The following HERC2 variants were observed in gnomAD, a reference collection of about 807,000 sequenced individuals.
HERC2 encodes E3 ubiquitin-protein ligase HERC2.
In HERC2, 102 loss-of-function variants were observed where a neutral mutation model predicts 537.7. The observed-to-expected ratio is 0.19, with a 90% CI of 0.16 to 0.22. The LOEUF is 0.22. Among genes scored for constraint, HERC2 ranks in the 10% least tolerant of loss-of-function variants. The pLI, the probability that HERC2 is intolerant of heterozygous loss-of-function variation, is 1.00. For synonymous variants in HERC2, 2,224 were observed against 2,466.2 expected, an observed-to-expected ratio of 0.90 and a Z score of 2.91; for missense variants, 4,236 against 6,198.2, an observed-to-expected ratio of 0.68 and a Z score of 10.63.
At chr15:28,263,541 T>C (rs948536709) in intron 14 of HERC2, among the ~76,000 whole-genome samples, 14 of 152,362 alleles carry the variant, frequency 9.2e-5, no homozygotes, top group Middle Eastern at 3.4e-3. Context: ...TTTGCCTGCC[T>C]GCTTCTGTTG....
chr15:28,290,399 T>A (rs1201660867), intron 4 of HERC2, among the ~76,000 whole-genome samples: 1 of 152,146 alleles, frequency 6.6e-6, no homozygotes, highest in Non-Finnish European at 1.5e-5. Context: ...CCAGCTAATT[T>A]TTGTATGTTT....
chr15:28,261,545 C>A (rs2075415243), intron 15 of HERC2, among the ~76,000 whole-genome samples: 1 of 152,252 alleles, frequency 6.6e-6, no homozygotes, highest in Middle Eastern at 3.4e-3. Context: ...GGGAAAAATT[C>A]TATCCTAGGA....
intron 68 of HERC2, among the ~76,000 whole-genome samples, chr15:28,166,889 AT>A (rs1472463435): frequency 6.6e-6 from 1 of 152,260 alleles, no homozygotes; most frequent in Non-Finnish European, 1.5e-5. Context: ...AAACGTCACT[AT>A]TTGACTAAAA....
rs1213746340 is a variant in HERC2 at position 28,144,201 on chromosome 15, G to A, written c.11175C>T (p.Leu3725=). Residue 3725 remains leucine (L), a synonymous_variant, in exon 73 of 93, where the codon CTC becomes CTT. Transcript: ENST00000261609. Reference sequence around the variant, plus strand: ...TCACCAAGTCCATGGATGGACAGGAGAGGACGCAGCGGTCAGAGAGGAGTT... The same window carrying A: ...TCACCAAGTCCATGGATGGACAGGAAAGGACGCAGCGGTCAGAGAGGAGTT... ...PKELLSDRCV[L]SCPSMDLVTC... is the part of the protein sequence containing the mutation. The A allele has an allele frequency of 1.9e-6, 3 of 1,614,200 alleles. No homozygotes were observed. In the African/African-American group the frequency reaches 4.0e-5, roughly 22 times the overall value.
In HERC2 at chr15:28,146,268, G is replaced by T; in HGVS notation, c.10977C>A (p.Asp3659Glu). ...GCACGGAGACGATCCTGTTGACGCC[G>T]TCCATGACTGTGAGAGGGTCGTGGC... ...ERRHDPLTVM[D>E]GVNRIVSVRS... The change falls in exon 71 of 93, where the codon GAC becomes GAA. Residue 3659 changes from aspartate (D) to glutamate (E), a missense_variant. Physicochemically the swap from Asp to Glu is conservative, Grantham distance 45. Around this residue, in one of 27 missense-constraint regions of HERC2, gnomAD observed 356 missense variants for 450.9 expected, o/e 0.79. Transcript: ENST00000261609. 1 of 1,613,900 alleles carries T rather than the reference G, an allele frequency of 6.2e-7. No individual in the cohort carries two copies. Among genetic ancestry groups the T allele is most frequent in the Non-Finnish European group, 8.5e-7 (1 of 1,179,924 alleles).
chr15:28,245,528 C>A (rs1305029839), intron 23 of HERC2, among the ~76,000 whole-genome samples: 3 of 138,882 alleles, frequency 2.2e-5, no homozygotes, highest in Admixed American at 7.8e-5. Context: ...GCCTGGGCAA[C>A]AGAGCAAGAT....
At chr15:28,141,411 A>C (rs1159842852) in intron 78 of HERC2, 21 bp downstream of exon 78, 7 of 1,610,570 alleles carry the variant, frequency 4.3e-6, no homozygotes, top group African/African-American at 1.3e-5. Flanking sequence ...TGACCTTGTG[A>C]CATAGAAAAA....
chr15:28,142,142 A>C (rs181861263), intron 76 of HERC2, 96 bp downstream of exon 76: 1 of 1,429,424 alleles, frequency 7.0e-7, no homozygotes, highest in East Asian at 2.3e-5. Context: ...TTGGCAAGCG[A>C]AATTTTTCTG....
At chr15:28,163,345 C>T in intron 68 of HERC2, 60 bp from the exon 69 acceptor site, 1 of 1,479,648 alleles carries the variant, frequency 6.8e-7, no homozygotes, top group Non-Finnish European at 9.2e-7. Context: ...GATAAAGAGT[C>T]ACCAGTTTAC....
chr15:28,258,445 C>T (rs1447704006), intron 16 of HERC2, among the ~76,000 whole-genome samples: 1 of 151,978 alleles, frequency 6.6e-6, no homozygotes, highest in Non-Finnish European at 1.5e-5. Flanking sequence ...GCACTCCGGC[C>T]TGGGCAATAA....
At chr15:28,263,555 C>A (rs747042500) in intron 14 of HERC2, among the ~76,000 whole-genome samples, 24 of 152,124 alleles carry the variant, frequency 1.6e-4, no homozygotes, top group Non-Finnish European at 2.9e-4. Flanking sequence ...TCTGTTGCCA[C>A]CATGCTGACC....
At position 28,209,500 on chromosome 15, in the gene HERC2, C is replaced by T. The variant is rs1464567386; in HGVS notation, c.7069+1502G>A. Among the ~76,000 whole-genome samples the T allele has an allele frequency of 4.6e-5, 7 of 152,008 alleles. No homozygotes were observed. In the South Asian group the frequency reaches 8.3e-4, roughly 18 times the overall value. On this transcript the variant is annotated intron_variant, in intron 44 of 92. Transcript: ENST00000261609. ...CTGGGACTACAGGCACCTGCCACCACGCCCAGCTAATTTTTTGTATTTTTA... is the reference window on the plus strand; with the variant it reads ...CTGGGACTACAGGCACCTGCCACCATGCCCAGCTAATTTTTTGTATTTTTA...
chr15:28,294,222 T>C (rs2076399060), intron 3 of HERC2, among the ~76,000 whole-genome samples: 1 of 151,764 alleles, frequency 6.6e-6, no homozygotes, highest in Admixed American at 6.6e-5. Context: ...ACCCCACAGG[T>C]TAATAACAGG....
intron 20 of HERC2, among the ~76,000 whole-genome samples, chr15:28,251,159 G>T (rs2075064347): frequency 6.6e-6 from 1 of 152,162 alleles, no homozygotes; most frequent in African/African-American, 2.4e-5. Context: ...ATTAATAAAT[G>T]TGGCCAGGTG....
At chr15:28,190,011 C>CTTTTTTT (rs72036273) in intron 55 of HERC2, among the ~76,000 whole-genome samples, 1 of 137,810 alleles carries the variant, frequency 7.3e-6, no homozygotes, top group African/African-American at 2.7e-5. Context: ...TTCTTTCTTT[C>CTTTTTTT]TTTTTTTTTT....
intron 85 of HERC2, among the ~76,000 whole-genome samples, chr15:28,123,643 G>A (rs1889163676): frequency 6.6e-6 from 1 of 152,204 alleles, no homozygotes; most frequent in African/African-American, 2.4e-5. Context: ...TGGACATCCT[G>A]AGAGAAACAG....
At chr15:28,165,576 G>A (rs1213657398) in intron 68 of HERC2, among the ~76,000 whole-genome samples, 3 of 151,630 alleles carry the variant, frequency 2.0e-5, no homozygotes, top group Admixed American at 6.6e-5. Flanking sequence ...CAGATCACTT[G>A]AGCCCAGGAG....
At chr15:28,136,452 T>C (rs1446593118) in intron 78 of HERC2, among the ~76,000 whole-genome samples, 1 of 152,190 alleles carries the variant, frequency 6.6e-6, no homozygotes, top group East Asian at 1.9e-4. Context: ...GTGCACAGGG[T>C]GCAGGGTAAT....
At chr15:28,271,017 T>C (rs751244221) in intron 9 of HERC2, 149 bp from the exon 10 acceptor site, 2 of 679,556 alleles carry the variant, frequency 2.9e-6, no homozygotes, top group Non-Finnish European at 5.1e-6. Context: ...TATACATCTA[T>C]ATATTTATGC....
Sources: gnomAD v4.1 joint callset for allele counts (sites outside exome capture counted in the v4.1 genomes callset) on GRCh38, gnomAD v4.1.1 for gene constraint, gnomAD v4.1.1 regional missense constraint, MANE v1.5 for transcripts, NCBI Gene and HGNC (gene_info 2026-07-23, HGNC 2026-07-21) for gene names.